Variants in EFR3B observed in about 807,000 individuals in gnomAD.
EFR3B encodes the protein EFR3 homolog B.
Under a neutral mutation model 104.7 loss-of-function variants are expected in EFR3B, and 64 were observed. The ratio of observed to expected loss-of-function variants is 0.61; its 90% CI spans 0.50 to 0.75. The LOEUF is 0.75. EFR3B is among the 30% of genes least tolerant of loss of function. EFR3B has a pLI of 0.00. For synonymous variants in EFR3B, 385 were observed against 417.9 expected (o/e 0.92, Z 0.96); for missense variants, 750 against 1,078.5 (o/e 0.70, Z 4.27).
At chr2:25,053,888 CAG>C (rs1364973214) in intron 1 of EFR3B, among the ~76,000 whole-genome samples, 1 of 152,214 alleles carries the variant, frequency 6.6e-6, no homozygotes, top group Non-Finnish European at 1.5e-5. Flanking sequence ...GCCTGGGCGA[CAG>C]AGCGAGACTC....
In EFR3B at chr2:25,139,057, A is replaced by G; in HGVS notation, c.1723-2A>G. Reference sequence around the variant, plus strand: ...CCGGAGGCCTTGTCTATGTTGCCGCAGGACGTGGCCCAAGTCAATGAGGAG... The same window carrying G: ...CCGGAGGCCTTGTCTATGTTGCCGCGGGACGTGGCCCAAGTCAATGAGGAG... On this transcript the variant is annotated splice_acceptor_variant, in intron 15 of 22. Coordinates refer to ENST00000403714, the MANE Select transcript of EFR3B (RefSeq NM_014971.2). LOFTEE classifies it high-confidence loss of function. The G allele has an allele frequency of 6.4e-7, 1 of 1,551,700 alleles. No homozygotes were observed. Among genetic ancestry groups the G allele is most frequent in the Non-Finnish European group, 8.7e-7 (1 of 1,146,968 alleles).
At position 25,144,918 on chromosome 2, in the gene EFR3B, T is replaced by G. The variant is rs897590165; in HGVS notation, c.2051-42T>G. 1.1e-5 allele frequency: 17 copies of G among 1,535,576 alleles called. No individual in the cohort carries two copies. In the African/African-American group the frequency reaches 1.9e-4, roughly 17 times the overall value. ...GACTAGCAGCTCAGTCCTGGATCTC[T>G]GAGGGCTGGGAACTAAAGCCTCTGG... On this transcript the variant is annotated intron_variant, in intron 18 of 22. Coordinates refer to ENST00000403714, the MANE Select transcript of EFR3B (RefSeq NM_014971.2).
chr2:25,145,030 G>A lies in EFR3B; in HGVS notation c.2121G>A (p.Arg707=). 19 of 1,551,738 alleles carry A rather than the reference G, an allele frequency of 1.2e-5. 1 individual carries two copies. Among genetic ancestry groups the A allele is most frequent in the Non-Finnish European group, 1.7e-5 (19 of 1,146,998 alleles). Residue 707 remains arginine (R), a synonymous_variant, in exon 19 of 23, where the codon AGG becomes AGA. Coordinates refer to ENST00000403714, the MANE Select transcript of EFR3B (RefSeq NM_014971.2). The stretch of plus-strand genomic sequence containing the variant: ...CCCTGCAGGTGGAGGTAGAATCGAG[G>A]AACAGTCCGGAGAAGGAGGAGGTGA... ...TISLQVEVES[R]NSPEKEERVP...
chr2:25,150,356 G>A (rs1373455443), intron 20 of EFR3B, among the ~76,000 whole-genome samples: 1 of 151,182 alleles, frequency 6.6e-6, no homozygotes, highest in Non-Finnish European at 1.5e-5. Context: ...AAAGCAATTC[G>A]GGATAAATTT....
At chr2:25,059,112 T>G (rs1668107900) in intron 1 of EFR3B, among the ~76,000 whole-genome samples, 1 of 148,566 alleles carries the variant, frequency 6.7e-6, no homozygotes, top group Non-Finnish European at 1.5e-5. Flanking sequence ...TATTCAGTGT[T>G]GATTTTTTTT....
In EFR3B at chr2:25,139,322, A is replaced by C; in HGVS notation, c.1854+132A>C. ...GACAGGGTTGAAGTAAGAACCACTA[A>C]TGGTGAGAAGTTACTCGTGGCATCT... On this transcript the variant is annotated intron_variant, in intron 16 of 22. Transcript: ENST00000403714. 8.0e-6 allele frequency: 9 copies of C among 1,131,670 alleles called. No homozygotes were observed. The East Asian group carries it at 9.1e-5, about 11-fold the overall frequency. The allele number at this position is 1,131,670 out of a possible 1,614,324, so 70.1% of individuals were successfully genotyped here.
At chr2:25,122,727 A>C (rs1248942932) in intron 5 of EFR3B, among the ~76,000 whole-genome samples, 1 of 150,520 alleles carries the variant, frequency 6.6e-6, no homozygotes, top group Non-Finnish European at 1.5e-5. Flanking sequence ...CCACATGCCC[A>C]CTCCTCCCTC....
In EFR3B at chr2:25,096,303, C is replaced by T. The variant is rs531862155; in HGVS notation, c.212+3173C>T. 1.5e-3 allele frequency among the ~76,000 whole-genome samples: 230 copies of T among 152,284 alleles called. 1 individual carries two copies. The highest frequency in any genetic ancestry group is 5.3e-3 in the African/African-American group (219 of 41,554). On this transcript the variant is annotated intron_variant, in intron 3 of 22. Coordinates refer to ENST00000403714, the MANE Select transcript of EFR3B (RefSeq NM_014971.2). ...TGCTGGGATTACAGGCGGGAGCCAC[C>T]GCGCCTGGCCTCCATGGAATCTTTC...
chr2:25,120,784 G>T (rs1669990338), intron 4 of EFR3B, among the ~76,000 whole-genome samples: 1 of 152,232 alleles, frequency 6.6e-6, no homozygotes, highest in Non-Finnish European at 1.5e-5. Flanking sequence ...AATTGCAAAT[G>T]TGCAGCACCC....
intron 3 of EFR3B, among the ~76,000 whole-genome samples, chr2:25,093,909 T>C (rs1391478305): frequency 6.6e-6 from 1 of 152,246 alleles, no homozygotes; most frequent in African/African-American, 2.4e-5. Flanking sequence ...GGGCTTTCTA[T>C]GTTTAAAGAG....
In EFR3B at chr2:25,114,700, T is replaced by C. The variant is rs1197731754; in HGVS notation, c.364-6973T>C. Among the ~76,000 whole-genome samples, 1 of 152,102 alleles carries C rather than the reference T, an allele frequency of 6.6e-6. No individual in the cohort carries two copies. The highest frequency in any genetic ancestry group is 2.4e-5 in the African/African-American group (1 of 41,434). On this transcript the variant is annotated intron_variant, in intron 4 of 22. Coordinates refer to ENST00000403714, the MANE Select transcript of EFR3B (RefSeq NM_014971.2). The surrounding 1 kb of genome is among the most constrained non-coding windows in gnomAD (Gnocchi z 4.0). ...CCCCTTCAGAGGAAGTGGCTGTCCA[T>C]CCATCCAGCCTTGACGGACCTCCCT...
intron 3 of EFR3B, among the ~76,000 whole-genome samples, chr2:25,102,305 A>G (rs1386259492): frequency 8.5e-5 from 13 of 152,126 alleles, no homozygotes; most frequent in Non-Finnish European, 2.9e-5. Context: ...TAGAGGATAG[A>G]GGTTATTAGG....
At position 25,137,534 on chromosome 2, in the gene EFR3B, T is replaced by C; in HGVS notation, c.1722+32T>C. ...CCTGGTGTGCGCAGGGCATGGGGCT[T>C]GGGATCAGGGGAGGGACTTGTTTTG... On this transcript the variant is annotated intron_variant, in intron 15 of 22. Transcript: ENST00000403714. This position sits in a 1 kb window ranked among gnomAD's most constrained non-coding sequence, Gnocchi z 4.7. The C allele has an allele frequency of 1.3e-6, 2 of 1,551,372 alleles. No individual in the cohort carries two copies. The highest frequency in any genetic ancestry group is 1.7e-6 in the Non-Finnish European group (2 of 1,146,732).
Position 25,058,619 on chromosome 2 carries a change from C to T in EFR3B, c.7+16300C>T, listed in dbSNP as rs185781881. Among the ~76,000 whole-genome samples the T allele has an allele frequency of 3.3e-3, 507 of 152,142 alleles. 5 individuals are homozygous for T. Among genetic ancestry groups the T allele is most frequent in the African/African-American group, 0.012 (495 of 41,492 alleles). On this transcript the variant is annotated intron_variant, in intron 1 of 22. Transcript: ENST00000403714. The stretch of plus-strand genomic sequence containing the variant: ...TCTAAAAATATAAAAATTAGCCAGG[C>T]ATGGTGGCGAGTGCCTGTAGTTCCA...
intron 1 of EFR3B, among the ~76,000 whole-genome samples, chr2:25,050,421 T>G (rs962195853): frequency 6.6e-6 from 1 of 152,112 alleles, no homozygotes; most frequent in African/African-American, 2.4e-5. Context: ...GGCTCCTTTT[T>G]AAAAAAAGCT....
chr2:25,142,660 G>A (rs1470062041), intron 17 of EFR3B, among the ~76,000 whole-genome samples: 1 of 150,908 alleles, frequency 6.6e-6, no homozygotes, highest in Non-Finnish European at 1.5e-5. Flanking sequence ...TTGGGAGGCT[G>A]AGGCAGGAGA....
intron 19 of EFR3B, chr2:25,145,351 G>A (rs1670785896): frequency 4.0e-6 from 2 of 501,572 alleles, no homozygotes; most frequent in Non-Finnish European, 7.1e-6. Context: ...CAGGAGGACT[G>A]CTTGAGCCCA....
chr2:25,133,146 C>T lies in EFR3B; in HGVS notation c.1259+132C>T, dbSNP rs547346412. On this transcript the variant is annotated intron_variant, in intron 11 of 22. Coordinates refer to ENST00000403714, the MANE Select transcript of EFR3B (RefSeq NM_014971.2). ...TTTTTACTCCCAAATCCCTCAGCAG[C>T]CTTTAATGGGGCTCTTGGATCCCAC... 4.6e-5 allele frequency: 43 copies of T among 935,936 alleles called. No homozygotes were observed. In the African/African-American group the frequency reaches 6.1e-4, roughly 13 times the overall value. 58.0% of individuals were successfully genotyped at this position (935,936 alleles called of 1,614,324 possible).
At chr2:25,126,515 A>C (rs1052881184) in intron 5 of EFR3B, among the ~76,000 whole-genome samples, 2 of 152,072 alleles carry the variant, frequency 1.3e-5, no homozygotes, top group Non-Finnish European at 2.9e-5. Flanking sequence ...GCCTGCTACC[A>C]TGCCTGGCTA....
Sources: gnomAD v4.1 joint callset for allele counts (sites outside exome capture counted in the v4.1 genomes callset) on GRCh38, gnomAD v4.1.1 for gene constraint, Gnocchi (gnomAD v3.1) non-coding constraint, MANE v1.5 for transcripts, NCBI Gene and HGNC (gene_info 2026-07-23, HGNC 2026-07-21) for gene names.